GNAL: variants seen among roughly 807,000 people sequenced by gnomAD.
GNAL encodes the protein guanine nucleotide-binding protein G(olf) subunit alpha.
GNAL carries 18 observed loss-of-function variants against 55.1 expected under a neutral mutation model. The observed-to-expected ratio is 0.33, with a 90% CI of 0.23 to 0.48. GNAL has a LOEUF of 0.48. Ranked by LOEUF, GNAL falls within the 20% of genes least tolerant of loss-of-function variation. GNAL has a pLI of 0.99. For missense variants in GNAL, 412 were observed against 614.1 expected (o/e 0.67, Z 3.48); for synonymous variants, 253 against 237.0 (o/e 1.07, Z -0.62).
intron 1 of GNAL, among the ~76,000 whole-genome samples, chr18:11,715,383 C>A (rs1460342270): frequency 6.6e-6 from 1 of 150,650 alleles, no homozygotes; most frequent in African/African-American, 2.4e-5. Flanking sequence ...ATGGCATGAA[C>A]CCGGGAGGCA....
intron 2 of GNAL, among the ~76,000 whole-genome samples, chr18:11,753,171 G>A (rs559653409): frequency 5.1e-4 from 77 of 152,032 alleles, no homozygotes; most frequent in Non-Finnish European, 7.1e-4. Context: ...GTGTTGATCT[G>A]TATTACTGGT....
chr18:11,755,072 TG>T (rs1203125709), intron 4 of GNAL, among the ~76,000 whole-genome samples: 2 of 152,042 alleles, frequency 1.3e-5, no homozygotes, highest in African/African-American at 4.8e-5. Flanking sequence ...TTGTATTGCC[TG>T]GCATGGTGGT....
chr18:11,746,108 T>G (rs1377437635), intron 1 of GNAL: 11 of 526,446 alleles, frequency 2.1e-5, no homozygotes, highest in Non-Finnish European at 3.8e-5. Context: ...CGACTCCCCT[T>G]TTAAAAGTGG....
chr18:11,716,835 A>G (rs1035648911), intron 1 of GNAL, among the ~76,000 whole-genome samples: 7 of 152,224 alleles, frequency 4.6e-5, no homozygotes, highest in Non-Finnish European at 1.0e-4. Context: ...TGAGCTAGAC[A>G]TGAAAGTTCT....
At position 11,752,403 on chromosome 18, in the gene GNAL, A is replaced by G. The variant is rs750568590; in HGVS notation, c.377-450A>G. The G allele has an allele frequency of 5.0e-6, 8 of 1,589,628 alleles. No individual in the cohort carries two copies. In the Admixed American group the frequency reaches 7.3e-5, roughly 14 times the overall value. On this transcript the variant is annotated intron_variant, in intron 1 of 11. Coordinates refer to ENST00000334049, the MANE Select transcript of GNAL (RefSeq NM_182978.4). This position sits in a 1 kb window ranked among gnomAD's most constrained non-coding sequence, Gnocchi z 4.5. ...TCTATTGCTTTTTGCGCACATTCCT[A>G]ACTTCCTGACGTCCATCCCAGCGGG...
At chr18:11,857,426 G>A (rs545188050) in intron 5 of GNAL, 15 of 928,462 alleles carry the variant, frequency 1.6e-5, no homozygotes, top group Non-Finnish European at 1.5e-5. Flanking sequence ...GGAGTGGAGG[G>A]TTCACGTGAT....
intron 4 of GNAL, among the ~76,000 whole-genome samples, chr18:11,809,206 T>C (rs1481238495): frequency 6.6e-6 from 1 of 151,866 alleles, no homozygotes; most frequent in African/African-American, 2.4e-5. Flanking sequence ...TGCAGTGAGC[T>C]GAGATCGTGC....
At chr18:11,707,617 A>G (rs2031743552) in intron 1 of GNAL, among the ~76,000 whole-genome samples, 1 of 152,228 alleles carries the variant, frequency 6.6e-6, no homozygotes, top group Admixed American at 6.5e-5. Context: ...TAAAGTTACC[A>G]GTTGCATTAG....
At chr18:11,783,523 TA>T (rs1250273938) in intron 4 of GNAL, among the ~76,000 whole-genome samples, 2 of 152,198 alleles carry the variant, frequency 1.3e-5, no homozygotes, top group African/African-American at 4.8e-5. Context: ...TCACTACACT[TA>T]ACTGTGGTGA....
chr18:11,693,712 C>G (rs991293743), intron 1 of GNAL, among the ~76,000 whole-genome samples: 6 of 148,302 alleles, frequency 4.0e-5, no homozygotes, highest in Non-Finnish European at 7.4e-5. Context: ...ACCTCAGACC[C>G]AGGGAAGGTG....
At chr18:11,692,628 A>G (rs1321023018) in intron 1 of GNAL, among the ~76,000 whole-genome samples, 3 of 152,178 alleles carry the variant, frequency 2.0e-5, no homozygotes, top group African/African-American at 7.2e-5. Flanking sequence ...AACTTAAAAA[A>G]AAAATAGAGA....
chr18:11,763,848 A>T (rs2033321084), intron 4 of GNAL, among the ~76,000 whole-genome samples: 1 of 152,224 alleles, frequency 6.6e-6, no homozygotes, highest in South Asian at 2.1e-4. Flanking sequence ...ACAGTTGCTC[A>T]GCCGACCTTT....
intron 4 of GNAL, among the ~76,000 whole-genome samples, chr18:11,788,666 G>T (rs1390618860): frequency 6.6e-6 from 1 of 151,768 alleles, no homozygotes; most frequent in Non-Finnish European, 1.5e-5. Flanking sequence ...GAGGTCAGGA[G>T]TTCGAGACCA....
Position 11,807,081 on chromosome 18 carries a change from C to T in GNAL, c.625-17837C>T, listed in dbSNP as rs145729833. On this transcript the variant is annotated intron_variant, in intron 4 of 11. Coordinates refer to ENST00000334049, the MANE Select transcript of GNAL (RefSeq NM_182978.4). ...GGCTGAGGCAGGAGAATTGCTTAAA[C>T]CTGGGAGGCAGAGGTTGCAGTGAGT... Among the ~76,000 whole-genome samples the T allele has an allele frequency of 6.9e-3, 1,046 of 152,106 alleles. 11 individuals carry two copies. Among genetic ancestry groups the T allele is most frequent in the African/African-American group, 0.022 (899 of 41,488 alleles).
chr18:11,851,995 C>T (rs748904850), intron 5 of GNAL: 1 of 1,613,666 alleles, frequency 6.2e-7, no homozygotes, highest in South Asian at 1.1e-5. Context: ...TGAGGCGGGC[C>T]TCGACCTCAA....
intron 4 of GNAL, among the ~76,000 whole-genome samples, chr18:11,798,812 A>G (rs2034450934): frequency 6.6e-6 from 1 of 152,132 alleles, no homozygotes; most frequent in South Asian, 2.1e-4. Flanking sequence ...AAAGCAGTTA[A>G]GTAGTTTAAC....
At chr18:11,824,382 T>G (rs957756738) in intron 4 of GNAL, among the ~76,000 whole-genome samples, 1 of 152,140 alleles carries the variant, frequency 6.6e-6, no homozygotes, top group Non-Finnish European at 1.5e-5. Flanking sequence ...TTGGGGGACT[T>G]TCCAGAATGA....
chr18:11,790,651 C>CTTTTTTTTTTTTTTTTTTTTTTT (rs1232488173), intron 4 of GNAL, among the ~76,000 whole-genome samples: 3 of 83,356 alleles, frequency 3.6e-5, no homozygotes, highest in African/African-American at 1.6e-4. Context: ...CTTTTCTTTT[C>CTTTTTTTTTTTTTTTTTTTTTTT]TTTTTTTTTC....
chr18:11,872,350 A>C lies in GNAL; in HGVS notation c.1114A>C (p.Ile372Leu), dbSNP rs777031469. ...AAAAGTCTTGGCAGGGAAATCAAAA[A>C]TTGAAGACTATTTCCCAGAATATGC... ...AEKVLAGKSKIEDYFPEYANY... is the reference protein window; with the variant it reads ...AEKVLAGKSKLEDYFPEYANY... The change falls in exon 10 of 12, where the codon ATT (isoleucine) becomes CTT (leucine). Residue 372 changes from isoleucine (I) to leucine (L), a missense_variant. Around this residue, in one of 5 missense-constraint regions of GNAL, gnomAD observed 79 missense variants for 127.1 expected, o/e 0.62. Coordinates refer to ENST00000334049, the MANE Select transcript of GNAL (RefSeq NM_182978.4). The C allele has an allele frequency of 5.7e-6, 9 of 1,567,762 alleles. No individual in the cohort carries two copies. The South Asian group carries it at 1.1e-4, about 19-fold the overall frequency.
Sources: gnomAD v4.1 joint callset for allele counts (sites outside exome capture counted in the v4.1 genomes callset) on GRCh38, gnomAD v4.1.1 for gene constraint, gnomAD v4.1.1 regional missense constraint, Gnocchi (gnomAD v3.1) non-coding constraint, MANE v1.5 for transcripts, NCBI Gene and HGNC (gene_info 2026-07-23, HGNC 2026-07-21) for gene names.